Variants in CD38 observed in about 807,000 individuals in gnomAD.
CD38 encodes the protein ADP-ribosyl cyclase/cyclic ADP-ribose hydrolase 1.
Under a neutral mutation model 36.3 loss-of-function variants are expected in CD38, and 31 were observed. The ratio of observed to expected loss-of-function variants is 0.85; its 90% confidence interval spans 0.64 to 1.15. The LOEUF is 1.15. CD38 is among the 50% of genes most tolerant of loss of function. CD38 has a pLI of 0.00. For synonymous variants in CD38, 131 were observed against 135.2 expected (o/e 0.97, Z 0.22); for missense variants, 380 against 371.9 (o/e 1.02, Z -0.18).
At chr4:15,797,958 G>T (rs187138675) in intron 1 of CD38, among the ~76,000 whole-genome samples, 3 of 152,116 alleles carry the variant, frequency 2.0e-5, no homozygotes, top group Non-Finnish European at 2.9e-5. Flanking sequence ...ACATCGTTTG[G>T]GGGGGTAAAA....
intron 4 of CD38, among the ~76,000 whole-genome samples, chr4:15,837,390 T>A (rs118076468): frequency 6.6e-6 from 1 of 152,292 alleles, no homozygotes; most frequent in East Asian, 1.9e-4. Flanking sequence ...CTCATCATTA[T>A]AATACAATAC....
chr4:15,806,056 T>C (rs945801665), intron 1 of CD38, among the ~76,000 whole-genome samples: 1 of 152,174 alleles, frequency 6.6e-6, no homozygotes, highest in Non-Finnish European at 1.5e-5. Context: ...CTTTGAAACA[T>C]AGTTGCTCTT....
chr4:15,822,028 C>T (rs935432086), intron 2 of CD38, among the ~76,000 whole-genome samples: 2 of 152,110 alleles, frequency 1.3e-5, no homozygotes, highest in Non-Finnish European at 2.9e-5. Context: ...GGATGCAAGG[C>T]AGGTTCAACG....
chr4:15,809,948 G>A (rs907481615), intron 1 of CD38, among the ~76,000 whole-genome samples: 10 of 152,126 alleles, frequency 6.6e-5, no homozygotes, highest in African/African-American at 9.7e-5. Flanking sequence ...CCAAGGTGAG[G>A]TGTTTGGCTT....
rs1336517081 is a variant in CD38 at position 15,848,567 on chromosome 4, A to G, written c.868A>G (p.Asn290Asp). 2.5e-6 allele frequency: 4 copies of G among 1,613,862 alleles called. No homozygotes were observed. The South Asian group carries it at 4.4e-5, about 18-fold the overall frequency. The change falls in exon 8 of 8, where the codon AAT (asparagine) becomes GAT (aspartate). Residue 290 changes from asparagine (N) to aspartate (D), a missense_variant. By Grantham distance (23) the Asn-to-Asp change is conservative. Coordinates refer to ENST00000226279, the MANE Select transcript of CD38 (RefSeq NM_001775.4). ...TGACAAGTTTCTTCAGTGTGTGAAA[A>G]ATCCTGAGGATTCATCTTGCACATC... ...RPDKFLQCVK[N>D]PEDSSCTSEI is the part of the protein sequence containing the mutation.
chr4:15,835,010 T>A (rs1049945683), intron 4 of CD38, among the ~76,000 whole-genome samples: 3 of 152,234 alleles, frequency 2.0e-5, no homozygotes, highest in Non-Finnish European at 2.9e-5. Flanking sequence ...ATCTGTCATC[T>A]CGAACATTTA....
rs552285936 is a variant in CD38 at position 15,831,319 on chromosome 4, T to G, written c.500-2898T>G. On this transcript the variant is annotated intron_variant, in intron 3 of 7. Transcript: ENST00000226279. Reference sequence around the variant, plus strand: ...TAAGACAAGAGTAGTTTACACGTCATAGTTACAGTGTTATAACATTCTGTG... The same window carrying G: ...TAAGACAAGAGTAGTTTACACGTCAGAGTTACAGTGTTATAACATTCTGTG... Among the ~76,000 whole-genome samples, 7 of 152,340 alleles carry G rather than the reference T, an allele frequency of 4.6e-5. No homozygotes were observed. The East Asian group carries it at 1.2e-3, about 25-fold the overall frequency.
rs1427416459 is a variant in CD38 at position 15,824,863 on chromosome 4, G to A, written c.364-18G>A. 1.9e-6 allele frequency: 3 copies of A among 1,601,762 alleles called. No homozygotes were observed. Among genetic ancestry groups the A allele is most frequent in the Non-Finnish European group, 2.6e-6 (3 of 1,170,388 alleles). ...GCTAAATTGATCTCAGTAATAGATT[G>A]TATTTATTCTTCCTTAGATTCTTCT... On this transcript the variant is annotated intron_variant, in intron 2 of 7. Transcript: ENST00000226279.
At chr4:15,825,190 G>A (rs911733025) in intron 3 of CD38, 174 bp downstream of exon 3, 8 of 579,032 alleles carry the variant, frequency 1.4e-5, no homozygotes, top group African/African-American at 3.8e-5. Flanking sequence ...CTGAGGCTGC[G>A]TAATTTATAA....
rs1326618695 is a variant in CD38, at chr4:15,842,158, CTGTCTGACAGCTT to C, written c.839+1623_839+1635del. On this transcript the variant is annotated intron_variant, in intron 7 of 7. Transcript: ENST00000226279. ...GTAACCTCTGCAGACTTAAGTGTCC[CTGTCTGACAGCTT>C]TGAAGAGAGCAGTGGTTCTCCCAGC... Among the ~76,000 whole-genome samples, 181 of 93,726 alleles carry C rather than the reference CTGTCTGACAGCTT, an allele frequency of 1.9e-3. 5 individuals are homozygous for C. Among genetic ancestry groups the C allele is most frequent in the Non-Finnish European group, 2.7e-3 (135 of 49,840 alleles). 61.5% of individuals were successfully genotyped at this position (93,726 alleles called of 152,430 possible).
At chr4:15,836,669 C>T (rs1339987166) in intron 4 of CD38, among the ~76,000 whole-genome samples, 2 of 152,188 alleles carry the variant, frequency 1.3e-5, no homozygotes, top group Non-Finnish European at 2.9e-5. Context: ...CAAAGCCATG[C>T]TCTTCAATTT....
Position 15,848,695 on chromosome 4 carries a change from T to C in CD38, c.*93T>C. On this transcript the variant is annotated 3_prime_UTR_variant, in exon 8 of 8. Coordinates refer to ENST00000226279, the MANE Select transcript of CD38 (RefSeq NM_001775.4). ...TACCTGCTGGTGCAGAGCTGAAGATTTTGGAGGGTCCTCCACAATAAGGTC... is the reference window on the plus strand; with the variant it reads ...TACCTGCTGGTGCAGAGCTGAAGATCTTGGAGGGTCCTCCACAATAAGGTC... 1 of 1,025,254 alleles carries C rather than the reference T, an allele frequency of 9.8e-7. No homozygotes were observed. The highest frequency in any genetic ancestry group is 1.9e-5 in the Admixed American group (1 of 53,604). The allele number at this position is 1,025,254 out of a possible 1,614,324, so 63.5% of individuals were successfully genotyped here.
intron 1 of CD38, among the ~76,000 whole-genome samples, chr4:15,812,098 G>A (rs562700139): frequency 1.3e-5 from 2 of 152,274 alleles, no homozygotes; most frequent in African/African-American, 4.8e-5. Context: ...CTTTGTGCCT[G>A]TTAAATAACT....
intron 3 of CD38, chr4:15,825,586 G>A (rs1723829012): frequency 6.6e-6 from 1 of 152,238 alleles, no homozygotes; most frequent in Non-Finnish European, 1.5e-5. Flanking sequence ...TGGCAACTCA[G>A]GCTGATATAA....
At position 15,787,215 on chromosome 4, in the gene CD38, G is replaced by C. The variant is rs559625797; in HGVS notation, c.233+8568G>C. 2.6e-5 allele frequency among the ~76,000 whole-genome samples: 4 copies of C among 152,386 alleles called. No homozygotes were observed. In the South Asian group the frequency reaches 8.3e-4, roughly 32 times the overall value. On this transcript the variant is annotated intron_variant, in intron 1 of 7. Coordinates refer to ENST00000226279, the MANE Select transcript of CD38 (RefSeq NM_001775.4). ...GCCAGAGTGGGCGCGCAGAGGCCGG[G>C]GGGCACTGAGAGCGAGCGAGGGCCA...
intron 1 of CD38, among the ~76,000 whole-genome samples, chr4:15,782,964 G>A (rs1026863371): frequency 6.6e-6 from 1 of 152,158 alleles, no homozygotes; most frequent in African/African-American, 2.4e-5. Context: ...TTTAGTGTGG[G>A]TAGGTGAGTA....
intron 1 of CD38, among the ~76,000 whole-genome samples, chr4:15,785,193 G>A (rs1455558561): frequency 6.6e-6 from 1 of 152,146 alleles, no homozygotes; most frequent in Admixed American, 6.5e-5. Context: ...GTTACCTGTG[G>A]AAGGAAGGGT....
intron 3 of CD38, among the ~76,000 whole-genome samples, chr4:15,830,543 C>T (rs1051153923): frequency 3.9e-5 from 6 of 152,042 alleles, no homozygotes; most frequent in African/African-American, 1.4e-4. Context: ...TCTGTGGGCT[C>T]TCTCTTCACT....
intron 3 of CD38, among the ~76,000 whole-genome samples, chr4:15,827,859 T>C (rs913721645): frequency 2.6e-5 from 4 of 152,178 alleles, no homozygotes; most frequent in African/African-American, 9.6e-5. Flanking sequence ...TCTTATTTTA[T>C]AGATTATCTT....
Sources: gnomAD v4.1 joint callset for allele counts (sites outside exome capture counted in the v4.1 genomes callset) on GRCh38, gnomAD v4.1.1 for gene constraint, MANE v1.5 for transcripts, NCBI Gene and HGNC (gene_info 2026-07-23, HGNC 2026-07-21) for gene names.